The following SESN1 variants were observed in gnomAD, a reference collection of about 807,000 sequenced individuals.
SESN1 encodes the protein sestrin-1.
SESN1 carries 30 observed loss-of-function variants against 59.3 expected under a neutral mutation model. The observed-to-expected ratio is 0.51, with a 90% confidence interval of 0.38 to 0.69. SESN1 has a LOEUF of 0.69. SESN1 is among the 30% of genes least tolerant of loss of function. SESN1 has a pLI of 0.00. For missense variants in SESN1, 566 were observed against 673.0 expected, an observed-to-expected ratio of 0.84 and a Z score of 1.76; for synonymous variants, 197 against 219.9, an observed-to-expected ratio of 0.90 and a Z score of 0.92.
intron 1 of SESN1, among the ~76,000 whole-genome samples, chr6:109,010,115 C>T (rs1170391475): frequency 6.6e-6 from 1 of 152,170 alleles, no homozygotes; most frequent in Non-Finnish European, 1.5e-5. Flanking sequence ...GATAATAAAC[C>T]TTGGTAGCCT....
chr6:109,033,966 A>T (rs1353447928), intron 1 of SESN1, among the ~76,000 whole-genome samples: 1 of 152,212 alleles, frequency 6.6e-6, no homozygotes, highest in Non-Finnish European at 1.5e-5. Context: ...GGTTACAAGG[A>T]TAAATTAAAT....
chr6:109,030,961 C>T (rs1461408515), intron 1 of SESN1, among the ~76,000 whole-genome samples: 1 of 152,318 alleles, frequency 6.6e-6, no homozygotes, highest in South Asian at 2.1e-4. Context: ...GCTTCAGAGC[C>T]AGCTCTTAGG....
At chr6:108,997,166 A>G (rs764281072) in intron 5 of SESN1, among the ~76,000 whole-genome samples, 14 of 152,238 alleles carry the variant, frequency 9.2e-5, no homozygotes, top group Non-Finnish European at 1.3e-4. Flanking sequence ...AAACCTTCTA[A>G]AAGTATCCAA....
intron 1 of SESN1, among the ~76,000 whole-genome samples, chr6:109,005,820 T>C (rs1205723335): frequency 1.3e-5 from 2 of 152,200 alleles, no homozygotes; most frequent in African/African-American, 4.8e-5. Context: ...TTATAAACTA[T>C]AGAATTTTAC....
intron 1 of SESN1, among the ~76,000 whole-genome samples, chr6:109,052,688 TTATTCTC>T (rs1379086277): frequency 6.6e-6 from 1 of 152,226 alleles, no homozygotes; most frequent in African/African-American, 2.4e-5. Flanking sequence ...TGGCAGTAGA[TTATTCTC>T]TAGTCATTGA....
rs894910139 is a variant in SESN1 at position 108,986,563 on chromosome 6, A to T, written c.*981T>A. ...TTTCAAACCTGTTTGCATTTCAAAC[A>T]AAGTTAGCGTTTTTGTAAATCAAAT... is the stretch of plus-strand genomic sequence containing the variant. On this transcript the variant is annotated 3_prime_UTR_variant, in exon 10 of 10. Coordinates refer to ENST00000436639, the MANE Select transcript of SESN1 (RefSeq NM_014454.3). The T allele has an allele frequency of 3.9e-5, 6 of 152,678 alleles. No homozygotes were observed. Among genetic ancestry groups the T allele is most frequent in the Admixed American group, 1.3e-4 (2 of 15,276 alleles). 9.5% of individuals were successfully genotyped at this position (152,678 alleles called of 1,614,324 possible).
chr6:109,007,193 T>C (rs971835163), intron 1 of SESN1, among the ~76,000 whole-genome samples: 6 of 152,232 alleles, frequency 3.9e-5, no homozygotes, highest in African/African-American at 1.4e-4. Flanking sequence ...TGAAAATTCG[T>C]AGTGAATGTT....
At chr6:109,002,203 G>T (rs1779640453) in intron 2 of SESN1, 75 bp downstream of exon 2, 1 of 1,301,022 alleles carries the variant, frequency 7.7e-7, no homozygotes, top group Non-Finnish European at 1.1e-6. Context: ...CAGTTCTTCA[G>T]ATGCCAACAT....
chr6:109,030,291 A>G (rs1780162856), intron 1 of SESN1, among the ~76,000 whole-genome samples: 1 of 152,252 alleles, frequency 6.6e-6, no homozygotes, highest in African/African-American at 2.4e-5. Flanking sequence ...ATGGATCTAG[A>G]AAAGAATATC....
chr6:109,077,948 T>C (rs1431566202), intron 1 of SESN1, among the ~76,000 whole-genome samples: 1 of 152,170 alleles, frequency 6.6e-6, no homozygotes, highest in Non-Finnish European at 1.5e-5. Flanking sequence ...AAAAATTAAT[T>C]ACTAATGATT....
At chr6:109,042,297 G>C (rs1003621725) in intron 1 of SESN1, among the ~76,000 whole-genome samples, 1 of 151,662 alleles carries the variant, frequency 6.6e-6, no homozygotes, top group African/African-American at 2.4e-5. Flanking sequence ...CAAGAGCCTA[G>C]GGAAAGAAGA....
chr6:109,061,290 C>T (rs1191288177), intron 1 of SESN1, among the ~76,000 whole-genome samples: 2 of 151,956 alleles, frequency 1.3e-5, no homozygotes, highest in African/African-American at 4.8e-5. Context: ...AAGAAAAAAA[C>T]AGCCTTGACC....
chr6:109,092,509 AG>A (rs1390048959), intron 1 of SESN1, among the ~76,000 whole-genome samples: 1 of 152,238 alleles, frequency 6.6e-6, no homozygotes, highest in Non-Finnish European at 1.5e-5. Context: ...ATGAAAGATC[AG>A]GAAGAGACCA....
At chr6:109,031,256 T>C (rs961263685) in intron 1 of SESN1, among the ~76,000 whole-genome samples, 1 of 152,146 alleles carries the variant, frequency 6.6e-6, no homozygotes, top group African/African-American at 2.4e-5. Flanking sequence ...GTAAAAGTGA[T>C]TAGATACTGC....
At chr6:109,007,111 A>G (rs1000965217) in intron 1 of SESN1, among the ~76,000 whole-genome samples, 1 of 152,194 alleles carries the variant, frequency 6.6e-6, no homozygotes, top group Non-Finnish European at 1.5e-5. Flanking sequence ...GAAAGAGACA[A>G]CAAGTTTCCA....
intron 1 of SESN1, among the ~76,000 whole-genome samples, chr6:109,071,061 T>C (rs868543877): frequency 6.6e-6 from 1 of 152,162 alleles, no homozygotes; most frequent in South Asian, 2.1e-4. Flanking sequence ...AGAGGGTGGG[T>C]AGAAACTGCC....
intron 1 of SESN1, among the ~76,000 whole-genome samples, chr6:109,032,233 T>C (rs1016006908): frequency 6.6e-5 from 10 of 152,040 alleles, no homozygotes; most frequent in African/African-American, 2.2e-4. Context: ...GATAATGCCA[T>C]TGCACTCCAG....
chr6:109,027,060 C>T (rs1205910402), intron 1 of SESN1, among the ~76,000 whole-genome samples: 3 of 152,070 alleles, frequency 2.0e-5, no homozygotes, highest in African/African-American at 7.2e-5. Flanking sequence ...ATCCCAACTA[C>T]TCAGGAGGCT....
At chr6:109,065,515 T>C (rs181276063) in intron 1 of SESN1, among the ~76,000 whole-genome samples, 8 of 152,126 alleles carry the variant, frequency 5.3e-5, no homozygotes, top group South Asian at 4.1e-4. Flanking sequence ...CATGAAGACA[T>C]AGGGAGAAAA....
Sources: gnomAD v4.1 joint callset for allele counts (sites outside exome capture counted in the v4.1 genomes callset) on GRCh38, gnomAD v4.1.1 for gene constraint, MANE v1.5 for transcripts, NCBI Gene and HGNC (gene_info 2026-07-23, HGNC 2026-07-21) for gene names.